Variants in CALN1 observed in about 807,000 individuals in gnomAD.
CALN1 encodes calcium-binding protein 8.
A neutral mutation model predicts 30.6 loss-of-function variants in CALN1; 17 were observed. The ratio of observed to expected loss-of-function variants is 0.56; its 90% CI spans 0.38 to 0.83. CALN1 has a LOEUF of 0.83. Among genes scored for constraint, CALN1 ranks in the 40% least tolerant of loss-of-function variants. The pLI is 0.00. For missense variants in CALN1, 291 were observed against 354.9 expected, an observed-to-expected ratio of 0.82 and a Z score of 1.45; for synonymous variants, 156 against 131.4, an observed-to-expected ratio of 1.19 and a Z score of -1.28.
At chr7:72,231,116 G>A (rs191185536) in intron 3 of CALN1, among the ~76,000 whole-genome samples, 5 of 151,642 alleles carry the variant, frequency 3.3e-5, no homozygotes, top group African/African-American at 9.7e-5. Flanking sequence ...TGCAGTACAC[G>A]CTTTTTTTTT....
At chr7:72,440,884 G>GT (rs1363972613) in intron 1 of CALN1, among the ~76,000 whole-genome samples, 1 of 152,048 alleles carries the variant, frequency 6.6e-6, no homozygotes, top group Non-Finnish European at 1.5e-5. Flanking sequence ...TCTGCATTCT[G>GT]TTTTTTGTAC....
chr7:71,869,085 G>A (rs998857578), intron 5 of CALN1, among the ~76,000 whole-genome samples: 4 of 152,120 alleles, frequency 2.6e-5, no homozygotes, highest in African/African-American at 9.7e-5. Context: ...AATGGGGGCA[G>A]GGACAGAGTG....
chr7:71,846,491 C>T (rs1387932992), intron 5 of CALN1, among the ~76,000 whole-genome samples: 1 of 152,024 alleles, frequency 6.6e-6, no homozygotes. Flanking sequence ...CCCAGAGAAA[C>T]AGAACTAATA....
chr7:72,308,108 A>T (rs1330411262), intron 2 of CALN1, among the ~76,000 whole-genome samples: 1 of 152,150 alleles, frequency 6.6e-6, no homozygotes, highest in Non-Finnish European at 1.5e-5. Flanking sequence ...TCACACCTGT[A>T]ATCCCAGGAC....
At chr7:71,913,550 A>G (rs546687346) in intron 5 of CALN1, among the ~76,000 whole-genome samples, 2 of 152,260 alleles carry the variant, frequency 1.3e-5, no homozygotes, top group African/African-American at 2.4e-5. Context: ...ACAAGTTGCA[A>G]AAGGTTTTAT....
chr7:72,090,643 A>G (rs571410632), intron 4 of CALN1, among the ~76,000 whole-genome samples: 126 of 152,368 alleles, frequency 8.3e-4, no homozygotes, highest in Admixed American at 1.8e-3. Context: ...TTACAACAGC[A>G]TTATTCACAA....
At position 72,391,884 on chromosome 7, in the gene CALN1, GACT is replaced by G. The variant is rs544248024; in HGVS notation, c.119+11364_119+11366del. 9.9e-5 allele frequency among the ~76,000 whole-genome samples: 15 copies of G among 152,242 alleles called. No homozygotes were observed. In the East Asian group the frequency reaches 2.9e-3, roughly 29 times the overall value. ...TGTCTTTATCAGCAGCATGAAAACA[GACT>G]AATACAGTCCCCAAATTCATTCAGC... On this transcript the variant is annotated intron_variant, in intron 2 of 6. Coordinates refer to ENST00000395275, the MANE Select transcript of CALN1 (RefSeq NM_031468.4).
chr7:72,166,383 T>A (rs1311277776), intron 3 of CALN1, among the ~76,000 whole-genome samples: 2 of 152,196 alleles, frequency 1.3e-5, no homozygotes, highest in African/African-American at 4.8e-5. Context: ...TGCTGTGTCT[T>A]GCAACGGTGT....
chr7:71,863,422 G>T (rs1446692725), intron 5 of CALN1, among the ~76,000 whole-genome samples: 1 of 151,522 alleles, frequency 6.6e-6, no homozygotes, highest in Non-Finnish European at 1.5e-5. Context: ...GCAGGGCGTG[G>T]TCACACATGC....
chr7:72,131,002 C>G (rs1325561173), intron 3 of CALN1, among the ~76,000 whole-genome samples: 1 of 152,140 alleles, frequency 6.6e-6, no homozygotes, highest in Non-Finnish European at 1.5e-5. Flanking sequence ...TTGCCACAGC[C>G]CTCTTCCTTT....
At chr7:72,059,213 A>G (rs1231798848) in intron 4 of CALN1, among the ~76,000 whole-genome samples, 1 of 152,202 alleles carries the variant, frequency 6.6e-6, no homozygotes, top group Non-Finnish European at 1.5e-5. Context: ...ATCTGTCTCC[A>G]TCTTTCCAAG....
chr7:72,397,707 T>TTCTC (rs775132024), intron 2 of CALN1, among the ~76,000 whole-genome samples: 29 of 49,984 alleles, frequency 5.8e-4, no homozygotes, highest in African/African-American at 2.5e-3. Context: ...AGAGCACCCA[T>TTCTC]TCTCTCTCAC....
chr7:71,911,459 T>C (rs1294902796), intron 5 of CALN1, among the ~76,000 whole-genome samples: 3 of 152,136 alleles, frequency 2.0e-5, no homozygotes, highest in Non-Finnish European at 4.4e-5. Context: ...TTGAGACCAG[T>C]TGGGGTCCTT....
chr7:71,794,374 T>TGTA (rs538831101), intron 6 of CALN1, among the ~76,000 whole-genome samples: 181 of 152,346 alleles, frequency 1.2e-3, no homozygotes, highest in African/African-American at 3.9e-3. Flanking sequence ...TACATTTGCA[T>TGTA]TGTACTATAT....
At position 72,114,267 on chromosome 7, in the gene CALN1, GGGAAGGGAAGGGAAGGGAAGGGA is replaced by G. The variant is rs1807795330; in HGVS notation, c.245-7996_245-7974del. On this transcript the variant is annotated intron_variant, in intron 3 of 6. Transcript: ENST00000395275. The stretch of plus-strand genomic sequence containing the variant: ...TTGAAGGGAAGGGAAGGGAAGGGAA[GGGAAGGGAAGGGAAGGGAAGGGA>G]AGGGAAGGGAAGGGAAGGGAAGGCA... 4.0e-5 allele frequency among the ~76,000 whole-genome samples: 3 copies of G among 74,346 alleles called. 1 individual carries two copies. The highest frequency in any genetic ancestry group is 1.6e-4 in the Admixed American group (1 of 6,088). 48.8% of individuals were successfully genotyped at this position (74,346 alleles called of 152,430 possible).
intron 3 of CALN1, among the ~76,000 whole-genome samples, chr7:72,148,129 C>A (rs562829005): frequency 5.8e-4 from 84 of 144,236 alleles, no homozygotes; most frequent in Middle Eastern, 3.5e-3. Flanking sequence ...AACCAACCAA[C>A]CAAACAAACA....
intron 4 of CALN1, among the ~76,000 whole-genome samples, chr7:72,081,103 A>T (rs1805106390): frequency 6.6e-6 from 1 of 152,148 alleles, no homozygotes; most frequent in Non-Finnish European, 1.5e-5. Context: ...TTCCTCATTT[A>T]AGGACTGATG....
intron 5 of CALN1, among the ~76,000 whole-genome samples, chr7:71,968,882 AATT>A: frequency 7.3e-6 from 1 of 136,932 alleles, no homozygotes; most frequent in African/African-American, 3.1e-5. Flanking sequence ...ACACCTCTAC[AATT>A]TTTTTTTTTT....
chr7:72,338,470 A>AGAGTGTGTGTGT (rs1031551970), intron 2 of CALN1, among the ~76,000 whole-genome samples: 947 of 74,792 alleles, frequency 0.013, 43 homozygotes, highest in East Asian at 0.04. Context: ...CCAGCAGCAC[A>AGAGTGTGTGTGT]GTGTGTGTGT....
Sources: allele counts gnomAD v4.1 joint callset (sites outside exome capture counted in the v4.1 genomes callset), GRCh38; gene constraint gnomAD v4.1.1; transcripts MANE v1.5; gene names NCBI Gene and HGNC (gene_info 2026-07-23, HGNC 2026-07-21).